The following RBFOX1 variants were observed in gnomAD, a reference collection of about 807,000 sequenced individuals.
RBFOX1 encodes the protein RNA binding fox-1 homolog 1.
A neutral mutation model predicts 57.7 loss-of-function variants in RBFOX1; 8 were observed. That is an observed-to-expected ratio of 0.14 (90% CI 0.08 to 0.25). RBFOX1 has a LOEUF of 0.25. RBFOX1 is among the 10% of genes least tolerant of loss of function. The pLI, the probability that RBFOX1 is intolerant of heterozygous loss-of-function variation, is 1.00. For synonymous variants in RBFOX1, 326 were observed against 222.4 expected, an observed-to-expected ratio of 1.47 and a Z score of -4.15; for missense variants, 611 against 548.5, an observed-to-expected ratio of 1.11 and a Z score of -1.14.
At chr16:5,518,702 C>T (rs958012105) in intron 2 of RBFOX1, among the ~76,000 whole-genome samples, 2 of 152,138 alleles carry the variant, frequency 1.3e-5, no homozygotes, top group African/African-American at 4.8e-5. Flanking sequence ...TCTAGGGAGT[C>T]CTTTTATCTC....
At chr16:6,190,753 A>C (rs796623817) in intron 1 of RBFOX1, among the ~76,000 whole-genome samples, 19 of 152,338 alleles carry the variant, frequency 1.2e-4, no homozygotes, top group African/African-American at 4.3e-4. Flanking sequence ...GGCATATTGC[A>C]GCAAAATATG....
chr16:7,317,190 A>G (rs1212388084), intron 4 of RBFOX1, among the ~76,000 whole-genome samples: 1 of 152,110 alleles, frequency 6.6e-6, no homozygotes, highest in Non-Finnish European at 1.5e-5. Flanking sequence ...CAGAAAAGAA[A>G]CGGCCAGGAG....
intron 1 of RBFOX1, among the ~76,000 whole-genome samples, chr16:6,143,921 C>T (rs1282622772): frequency 6.6e-6 from 1 of 150,884 alleles, no homozygotes; most frequent in Non-Finnish European, 1.5e-5. Context: ...TCAGTGTCCT[C>T]AGTAGCTGGG....
At chr16:7,474,328 C>G (rs778639865) in intron 4 of RBFOX1, among the ~76,000 whole-genome samples, 2 of 152,126 alleles carry the variant, frequency 1.3e-5, no homozygotes, top group Non-Finnish European at 2.9e-5. Flanking sequence ...AGCCCCCCAT[C>G]TCTCTCAGCT....
At chr16:5,375,158 CG>C (rs1385890473) in intron 1 of RBFOX1, among the ~76,000 whole-genome samples, 1 of 150,570 alleles carries the variant, frequency 6.6e-6, no homozygotes, top group African/African-American at 2.5e-5. Context: ...AGAGTTAAAC[CG>C]ATCTCTTCGA....
At chr16:7,082,105 T>A (rs1374950189) in intron 4 of RBFOX1, among the ~76,000 whole-genome samples, 2 of 152,170 alleles carry the variant, frequency 1.3e-5, no homozygotes, top group Non-Finnish European at 2.9e-5. Flanking sequence ...GGAGAACCAC[T>A]CTGGAGATCA....
At chr16:6,741,649 ACAGAGC>A (rs1186317573) in intron 3 of RBFOX1, among the ~76,000 whole-genome samples, 1 of 151,634 alleles carries the variant, frequency 6.6e-6, no homozygotes, top group African/African-American at 2.4e-5. Flanking sequence ...AGCCTGGGCG[ACAGAGC>A]CAGACTCAGT....
chr16:6,699,373 C>T (rs781596871), intron 3 of RBFOX1, among the ~76,000 whole-genome samples: 3 of 151,246 alleles, frequency 2.0e-5, no homozygotes, highest in Non-Finnish European at 2.9e-5. Context: ...TCATAATAAG[C>T]AGGTATTTTT....
intron 5 of RBFOX1, among the ~76,000 whole-genome samples, chr16:7,521,668 C>G (rs960114362): frequency 3.3e-5 from 5 of 152,046 alleles, no homozygotes; most frequent in African/African-American, 4.8e-5. Context: ...TGATAACGTG[C>G]CAAATTCTAG....
At chr16:7,056,833 A>G (rs1412681204) in intron 4 of RBFOX1, among the ~76,000 whole-genome samples, 3 of 152,198 alleles carry the variant, frequency 2.0e-5, no homozygotes, top group Non-Finnish European at 4.4e-5. Flanking sequence ...ACTGATCTGC[A>G]ATATGGCAAT....
chr16:6,699,098 C>T lies in RBFOX1; in HGVS notation c.-16+44448C>T, dbSNP rs565735384. 9.2e-5 allele frequency among the ~76,000 whole-genome samples: 14 copies of T among 152,216 alleles called. No individual in the cohort carries two copies. In the South Asian group the frequency reaches 2.9e-3, roughly 32 times the overall value. The stretch of plus-strand genomic sequence containing the variant: ...GCAAGTGACAATCATAACCAGCATG[C>T]AGCCATCATCAGTATAAGAAACAGC... On this transcript the variant is annotated intron_variant, in intron 3 of 15. Coordinates refer to ENST00000550418, the MANE Select transcript of RBFOX1 (RefSeq NM_018723.4).
Position 6,818,079 on chromosome 16 carries a change from G to T in RBFOX1, c.-16+163429G>T, listed in dbSNP as rs191112178. On this transcript the variant is annotated intron_variant, in intron 3 of 15. Transcript: ENST00000550418. ...GGCATAAAACTATCTTAGATGTCAT[G>T]ATGTAATTGCATTATTGTTTCAGAT... Among the ~76,000 whole-genome samples, 486 of 152,274 alleles carry T rather than the reference G, an allele frequency of 3.2e-3. 3 individuals carry two copies. The highest frequency in any genetic ancestry group is 0.011 in the African/African-American group (470 of 41,542).
At chr16:6,002,825 A>G (rs1019405814) in intron 4 of RBFOX1, among the ~76,000 whole-genome samples, 1 of 152,222 alleles carries the variant, frequency 6.6e-6, no homozygotes, top group African/African-American at 2.4e-5. Context: ...AAGTGGGAAG[A>G]GCGTGGTTTG....
intron 3 of RBFOX1, among the ~76,000 whole-genome samples, chr16:6,709,544 A>G (rs1299220232): frequency 6.6e-6 from 1 of 152,146 alleles, no homozygotes; most frequent in East Asian, 1.9e-4. Flanking sequence ...CTACTTTTAC[A>G]TTTGTGAAGG....
At chr16:7,336,305 A>C (rs558142509) in intron 4 of RBFOX1, among the ~76,000 whole-genome samples, 16 of 152,336 alleles carry the variant, frequency 1.1e-4, no homozygotes, top group African/African-American at 3.4e-4. Flanking sequence ...CTGGGCTGCA[A>C]GTGTGGACCC....
At chr16:7,542,720 A>G (rs1380335756) in intron 5 of RBFOX1, among the ~76,000 whole-genome samples, 1 of 117,834 alleles carries the variant, frequency 8.5e-6, no homozygotes, top group Admixed American at 8.7e-5. Flanking sequence ...AAAAAAAAAA[A>G]GCCAGGCATG....
chr16:5,404,159 T>C (rs999265166), intron 1 of RBFOX1, among the ~76,000 whole-genome samples: 2 of 150,784 alleles, frequency 1.3e-5, no homozygotes, highest in Non-Finnish European at 3.0e-5. Context: ...TGAGGAGATA[T>C]GGGGGTGGAT....
intron 1 of RBFOX1, among the ~76,000 whole-genome samples, chr16:6,166,236 T>A (rs2096916035): frequency 6.6e-6 from 1 of 152,130 alleles, no homozygotes; most frequent in South Asian, 2.1e-4. Flanking sequence ...TCACAGGCCT[T>A]CCCTGCCTGC....
intron 3 of RBFOX1, among the ~76,000 whole-genome samples, chr16:5,771,095 A>ACC (rs1170511916): frequency 1.3e-5 from 2 of 152,198 alleles, no homozygotes; most frequent in Non-Finnish European, 2.9e-5. Context: ...TGCATTTTAA[A>ACC]CTGTGTAAAG....
Sources: allele counts gnomAD v4.1 joint callset (sites outside exome capture counted in the v4.1 genomes callset), GRCh38; gene constraint gnomAD v4.1.1; transcripts MANE v1.5; gene names NCBI Gene and HGNC (gene_info 2026-07-23, HGNC 2026-07-21).